The following SCLT1 variants were observed in gnomAD, a reference collection of about 807,000 sequenced individuals.
SCLT1 encodes the protein sodium channel and clathrin linker 1.
SCLT1 carries 78 observed loss-of-function variants against 112.8 expected under a neutral mutation model. That is an observed-to-expected ratio of 0.69 (90% CI 0.58 to 0.83). SCLT1 has a LOEUF of 0.83. SCLT1 is among the 40% of genes least tolerant of loss of function. SCLT1 has a pLI of 0.00. For synonymous variants in SCLT1, 257 were observed against 254.7 expected, an observed-to-expected ratio of 1.01 and a Z score of -0.09; for missense variants, 747 against 770.4, an observed-to-expected ratio of 0.97 and a Z score of 0.36.
chr4:129,068,611 G>C (rs1750705328), intron 2 of SCLT1, among the ~76,000 whole-genome samples: 1 of 152,018 alleles, frequency 6.6e-6, no homozygotes, highest in Non-Finnish European at 1.5e-5. Flanking sequence ...CCTACTTTTT[G>C]ATGGGATTAT....
At chr4:129,057,839 C>G (rs1165980602) in intron 2 of SCLT1, among the ~76,000 whole-genome samples, 2 of 151,864 alleles carry the variant, frequency 1.3e-5, no homozygotes, top group Non-Finnish European at 2.9e-5. Context: ...GCAACCTCTA[C>G]CTCCCAGGTT....
rs1200237032 is a variant in SCLT1 at position 129,021,518 on chromosome 4, C to T, written c.290+17523G>A. ...GCTTGGTTGCGGGAGGGGCATCCGC[C>T]ATTACTGAGGCTTGAATAGGCAGTT... is the stretch of plus-strand genomic sequence containing the variant. On this transcript the variant is annotated intron_variant, in intron 5 of 20. Transcript: ENST00000281142. Among the ~76,000 whole-genome samples, 9 of 152,136 alleles carry T rather than the reference C, an allele frequency of 5.9e-5. 1 individual carries two copies. Among genetic ancestry groups the T allele is most frequent in the East Asian group, 1.9e-4 (1 of 5,184 alleles).
intron 5 of SCLT1, among the ~76,000 whole-genome samples, chr4:129,020,323 C>T (rs1579724507): frequency 6.6e-6 from 1 of 152,304 alleles, no homozygotes; most frequent in South Asian, 2.1e-4. Flanking sequence ...ATGGTATCTG[C>T]CATGCCCAGA....
intron 5 of SCLT1, among the ~76,000 whole-genome samples, chr4:129,026,641 C>T (rs1265451888): frequency 6.6e-6 from 1 of 152,080 alleles, no homozygotes; most frequent in African/African-American, 2.4e-5. Flanking sequence ...ATTAAAAGAA[C>T]TAGAAAAGCA....
intron 18 of SCLT1, among the ~76,000 whole-genome samples, chr4:128,899,477 A>G (rs1026854894): frequency 2.7e-5 from 4 of 150,160 alleles, no homozygotes. Flanking sequence ...TTCAACAACC[A>G]TTCATGCTAA....
intron 4 of SCLT1, chr4:129,040,290 G>A: frequency 1.5e-6 from 1 of 675,528 alleles, no homozygotes; most frequent in Non-Finnish European, 2.7e-6. Flanking sequence ...CTGATACAGT[G>A]AGAGATAAAA....
chr4:128,880,778 T>G (rs951545704), downstream of SCLT1, among the ~76,000 whole-genome samples: 3 of 152,204 alleles, frequency 2.0e-5, no homozygotes, highest in African/African-American at 7.2e-5. Context: ...TTTCAATGAA[T>G]CACTAACTAC....
chr4:129,028,045 G>T (rs1236203965), intron 5 of SCLT1, among the ~76,000 whole-genome samples: 1 of 152,108 alleles, frequency 6.6e-6, no homozygotes, highest in East Asian at 1.9e-4. Flanking sequence ...ACAAATGGAA[G>T]AACATTCCAT....
intron 2 of SCLT1, among the ~76,000 whole-genome samples, chr4:129,071,357 C>A (rs993274434): frequency 6.6e-5 from 10 of 152,104 alleles, no homozygotes. Context: ...GATGCCCTGC[C>A]TAAGGCTGTC....
intron 20 of SCLT1, among the ~76,000 whole-genome samples, chr4:128,887,315 G>A (rs1236192747): frequency 6.6e-6 from 1 of 152,090 alleles, no homozygotes; most frequent in Non-Finnish European, 1.5e-5. Context: ...TGAAAAGGCT[G>A]TAATTACTTT....
chr4:128,893,091 G>C (rs1262282057), intron 18 of SCLT1, among the ~76,000 whole-genome samples: 1 of 152,126 alleles, frequency 6.6e-6, no homozygotes, highest in East Asian at 1.9e-4. Context: ...GAGTATAATT[G>C]AGATTAAGAA....
At chr4:128,944,024 C>CA (rs758057565) in intron 16 of SCLT1, among the ~76,000 whole-genome samples, 28 of 151,976 alleles carry the variant, frequency 1.8e-4, no homozygotes, top group Non-Finnish European at 3.8e-4. Flanking sequence ...CACCATGAAC[C>CA]ACTCCTTCTG....
chr4:128,897,722 G>T (rs927740972), intron 18 of SCLT1, among the ~76,000 whole-genome samples: 1 of 152,022 alleles, frequency 6.6e-6, no homozygotes, highest in African/African-American at 2.4e-5. Context: ...AAAGACACAG[G>T]CTGGCAAATT....
intron 2 of SCLT1, among the ~76,000 whole-genome samples, chr4:129,053,191 T>C (rs1748984775): frequency 6.6e-6 from 1 of 152,122 alleles, no homozygotes. Flanking sequence ...GTGCTGAGAA[T>C]AACATATATT....
intron 18 of SCLT1, among the ~76,000 whole-genome samples, chr4:128,906,863 A>G (rs1317497634): frequency 6.6e-6 from 1 of 152,212 alleles, no homozygotes; most frequent in Non-Finnish European, 1.5e-5. Flanking sequence ...TTGGAAAGCT[A>G]CTAGGCTTAA....
At chr4:129,043,374 C>G (rs1474500727) in intron 4 of SCLT1, 21 bp downstream of exon 4, 1 of 1,205,878 alleles carries the variant, frequency 8.3e-7, no homozygotes, top group Non-Finnish European at 1.2e-6. Context: ...TTACAAAAGC[C>G]TCATAACTAT....
intron 5 of SCLT1, among the ~76,000 whole-genome samples, chr4:129,009,519 GAA>G (rs75119229): frequency 5.4e-5 from 5 of 92,944 alleles, no homozygotes; most frequent in Admixed American, 1.1e-4. Context: ...GTCTCAAAAA[GAA>G]AAAAAAAAAA....
intron 16 of SCLT1, among the ~76,000 whole-genome samples, chr4:128,943,704 G>A (rs935453453): frequency 6.6e-6 from 1 of 151,936 alleles, no homozygotes; most frequent in East Asian, 1.9e-4. Context: ...TAGGTTAAAC[G>A]GATTATATTT....
chr4:128,884,686 A>C (rs998371730), intron 20 of SCLT1, 147 bp from the exon 21 acceptor site: 1 of 608,030 alleles, frequency 1.6e-6, no homozygotes, highest in African/African-American at 1.9e-5. Context: ...TTTTTGAGGC[A>C]ATCTTGCTCT....
Sources: gnomAD v4.1 joint callset for allele counts (sites outside exome capture counted in the v4.1 genomes callset) on GRCh38, gnomAD v4.1.1 for gene constraint, MANE v1.5 for transcripts, NCBI Gene and HGNC (gene_info 2026-07-23, HGNC 2026-07-21) for gene names.